The following ANK1 variants were observed in gnomAD, a reference collection of about 807,000 sequenced individuals.
The protein encoded by ANK1 is ankyrin 1.
Under a neutral mutation model 210.4 loss-of-function variants are expected in ANK1, and 51 were observed. The observed-to-expected ratio is 0.24, with a 90% CI of 0.19 to 0.31. The LOEUF (loss-of-function observed/expected upper bound fraction) is 0.31, where lower values mean the gene tolerates loss of function less well. Among genes scored for constraint, ANK1 ranks in the 10% least tolerant of loss-of-function variants. The probability of loss-of-function intolerance (pLI) is 1.00; values close to 1 mark genes in which losing one functional copy is unlikely to be tolerated. For missense variants in ANK1, 2,051 were observed against 2,504.4 expected (o/e 0.82, Z 3.86); for synonymous variants, 967 against 1,025.9 (o/e 0.94, Z 1.10).
At chr8:41,718,341 A>G (rs1350992055) in intron 10 of ANK1, 137 bp from the exon 11 acceptor site, 1 of 732,340 alleles carries the variant, frequency 1.4e-6, no homozygotes, top group African/African-American at 1.7e-5. Flanking sequence ...CAATCAACGA[A>G]TTAATGCCAA....
chr8:41,849,734 T>A (rs1042715514), intron 1 of ANK1, among the ~76,000 whole-genome samples: 1 of 152,220 alleles, frequency 6.6e-6, no homozygotes, highest in Non-Finnish European at 1.5e-5. Context: ...TTATTTCACC[T>A]AACAGGACGA....
At chr8:41,766,567 T>C (rs1263175943) in intron 1 of ANK1, among the ~76,000 whole-genome samples, 2 of 152,186 alleles carry the variant, frequency 1.3e-5, no homozygotes, top group African/African-American at 2.4e-5. Flanking sequence ...ACTCGGGACA[T>C]TGGGAAAACC....
chr8:41,767,998 A>G (rs1449178750), intron 1 of ANK1, among the ~76,000 whole-genome samples: 3 of 152,134 alleles, frequency 2.0e-5, no homozygotes, highest in Non-Finnish European at 4.4e-5. Context: ...GCTGGGTTGC[A>G]GGAGGGCAGA....
intron 1 of ANK1, among the ~76,000 whole-genome samples, chr8:41,807,928 A>C (rs1587115816): frequency 2.7e-5 from 3 of 110,290 alleles, no homozygotes; most frequent in South Asian, 3.4e-4. Flanking sequence ...AGAAGGGGGA[A>C]GGAGGAGGGA....
At chr8:41,689,655 G>A (rs1312611776) in intron 33 of ANK1, among the ~76,000 whole-genome samples, 1 of 152,100 alleles carries the variant, frequency 6.6e-6, no homozygotes, top group African/African-American at 2.4e-5. Flanking sequence ...TGGTGACTGG[G>A]ATACTCTTAC....
At chr8:41,671,876 C>T (rs1383766792) in intron 38 of ANK1, among the ~76,000 whole-genome samples, 2 of 133,976 alleles carry the variant, frequency 1.5e-5, no homozygotes, top group Non-Finnish European at 3.2e-5. Flanking sequence ...CCCAGCGCCC[C>T]GATGTCCCTG....
Position 41,724,080 on chromosome 8 carries a change from G to A in ANK1, c.711+376C>T, listed in dbSNP as rs570394220. Among the ~76,000 whole-genome samples the A allele has an allele frequency of 3.7e-3, 567 of 152,134 alleles. 4 individuals are homozygous for A. The highest frequency in any genetic ancestry group is 5.4e-3 in the Non-Finnish European group (368 of 68,006). ...TGGGATTACAGGCGTGAGCCACCGC[G>A]CCCGGCCTAAGACATTTTAAAACCT... On this transcript the variant is annotated intron_variant, in intron 7 of 42. Coordinates refer to ENST00000289734, the MANE Select transcript of ANK1 (RefSeq NM_000037.4).
chr8:41,749,192 T>A (rs1038802004), intron 2 of ANK1, among the ~76,000 whole-genome samples: 8 of 152,218 alleles, frequency 5.3e-5, no homozygotes, highest in African/African-American at 1.9e-4. Flanking sequence ...ACGAATTTAT[T>A]CATTTTGGTT....
chr8:41,835,914 C>T (rs983841587), intron 1 of ANK1, among the ~76,000 whole-genome samples: 11 of 152,220 alleles, frequency 7.2e-5, no homozygotes, highest in African/African-American at 2.7e-4. Flanking sequence ...TCATGCCCAG[C>T]ACAAGCTCCC....
intron 1 of ANK1, among the ~76,000 whole-genome samples, chr8:41,882,013 C>G (rs1798242132): frequency 1.3e-5 from 2 of 152,134 alleles, no homozygotes; most frequent in Admixed American, 1.3e-4. Flanking sequence ...AAACCACAAA[C>G]CCTACATCTG....
intron 2 of ANK1, among the ~76,000 whole-genome samples, chr8:41,752,837 C>T (rs1475565747): frequency 6.7e-6 from 1 of 149,778 alleles, no homozygotes; most frequent in African/African-American, 2.4e-5. Flanking sequence ...CGCCTGTTTT[C>T]CATGCGGTAG....
intron 22 of ANK1, 29 bp from the exon 23 acceptor site, chr8:41,699,577 C>T (rs1019201803): frequency 1.1e-5 from 18 of 1,600,938 alleles, no homozygotes; most frequent in East Asian, 2.2e-5. Context: ...AAGTGAGCGA[C>T]GGGGTAGAGG....
chr8:41,893,042 C>T (rs1456901181), intron 1 of ANK1, among the ~76,000 whole-genome samples: 3 of 152,182 alleles, frequency 2.0e-5, no homozygotes, highest in African/African-American at 7.2e-5. Flanking sequence ...GCGCTCCTCT[C>T]CCTATCCACT....
intron 1 of ANK1, among the ~76,000 whole-genome samples, chr8:41,838,994 T>C (rs1808354266): frequency 1.3e-5 from 2 of 151,734 alleles, no homozygotes; most frequent in African/African-American, 4.8e-5. Flanking sequence ...GGAGAATCAC[T>C]TGAACCCAGA....
chr8:41,731,107 A>C (rs1832072545), intron 3 of ANK1, among the ~76,000 whole-genome samples: 1 of 151,612 alleles, frequency 6.6e-6, no homozygotes, highest in South Asian at 2.1e-4. Context: ...CTGGAAGTGG[A>C]CCTCCTTTCC....
chr8:41,822,816 C>A (rs760037321), intron 1 of ANK1, among the ~76,000 whole-genome samples: 2 of 152,242 alleles, frequency 1.3e-5, no homozygotes, highest in Non-Finnish European at 2.9e-5. Context: ...CAAGAGCCAG[C>A]AGTAAGGCTG....
At chr8:41,710,267 G>A (rs1296562945) in intron 16 of ANK1, among the ~76,000 whole-genome samples, 1 of 152,056 alleles carries the variant, frequency 6.6e-6, no homozygotes, top group Non-Finnish European at 1.5e-5. Flanking sequence ...AACCACATAA[G>A]GTCACTAGGG....
intron 2 of ANK1, among the ~76,000 whole-genome samples, chr8:41,747,909 C>A (rs1243865340): frequency 6.6e-6 from 1 of 152,134 alleles, no homozygotes; most frequent in Non-Finnish European, 1.5e-5. Context: ...GAAAATGAAA[C>A]CAGTCTGGGG....
intron 38 of ANK1, among the ~76,000 whole-genome samples, chr8:41,668,776 C>T (rs1376199637): frequency 6.6e-6 from 1 of 152,198 alleles, no homozygotes; most frequent in Non-Finnish European, 1.5e-5. Flanking sequence ...CGTGGCCCAT[C>T]TAATGCTGTC....
Sources: gnomAD v4.1 joint callset for allele counts (sites outside exome capture counted in the v4.1 genomes callset) on GRCh38, gnomAD v4.1.1 for gene constraint, MANE v1.5 for transcripts, NCBI Gene and HGNC (gene_info 2026-07-23, HGNC 2026-07-21) for gene names.